Variants in ATP8A2 observed in about 807,000 individuals in gnomAD.
ATP8A2 encodes phospholipid-transporting ATPase IB.
A neutral mutation model predicts 165.6 loss-of-function variants in ATP8A2; 100 were observed. The ratio of observed to expected loss-of-function variants is 0.60; its 90% CI spans 0.51 to 0.71. The LOEUF (loss-of-function observed/expected upper bound fraction) is 0.71. ATP8A2 is among the 30% of genes least tolerant of loss of function. The pLI is 0.00. For synonymous variants in ATP8A2, 543 were observed against 548.8 expected (o/e 0.99, Z 0.15); for missense variants, 1,227 against 1,479.5 (o/e 0.83, Z 2.80).
chr13:25,676,168 T>A (rs2042368192), intron 24 of ATP8A2, among the ~76,000 whole-genome samples: 2 of 152,194 alleles, frequency 1.3e-5, no homozygotes, highest in Admixed American at 1.3e-4. Flanking sequence ...TGATTGGTGG[T>A]CTGGATCAGA....
At position 26,019,704 on chromosome 13, in the gene ATP8A2, C is replaced by T. The variant is rs542020199; in HGVS notation, c.3470-184C>T. On this transcript the variant is annotated intron_variant, in intron 36 of 36. Coordinates refer to ENST00000381655, the MANE Select transcript of ATP8A2 (RefSeq NM_016529.6). ...ACCATGGGACCCCAGTTAGCCTGCA[C>T]ACGGCCGCCACGGCCCCTCTATGGC... Among the ~76,000 whole-genome samples the T allele has an allele frequency of 4.5e-4, 68 of 152,290 alleles. 1 individual carries two copies. In the Middle Eastern group the frequency reaches 0.01, roughly 23 times the overall value.
chr13:25,474,309 C>A (rs189887101), intron 2 of ATP8A2, among the ~76,000 whole-genome samples: 1 of 152,134 alleles, frequency 6.6e-6, no homozygotes, highest in African/African-American at 2.4e-5. Context: ...CGCCTATAAT[C>A]CCAGCACTTT....
chr13:25,394,588 A>C (rs1373468216), intron 1 of ATP8A2, among the ~76,000 whole-genome samples: 1 of 152,174 alleles, frequency 6.6e-6, no homozygotes, highest in African/African-American at 2.4e-5. Flanking sequence ...TTGATGACAT[A>C]GGTCAGATCT....
intron 2 of ATP8A2, among the ~76,000 whole-genome samples, chr13:25,475,729 T>A (rs1257088321): frequency 6.6e-6 from 1 of 152,254 alleles, no homozygotes. Context: ...GAGATGGTAC[T>A]CATTGTGGTT....
At chr13:25,955,868 A>T (rs1566302122) in intron 33 of ATP8A2, among the ~76,000 whole-genome samples, 1 of 152,196 alleles carries the variant, frequency 6.6e-6, no homozygotes, top group African/African-American at 2.4e-5. Context: ...TCAGTGTGAA[A>T]ATCCTCAGTA....
chr13:25,957,862 A>T lies in ATP8A2; in HGVS notation c.3184-3713A>T, dbSNP rs12870677. Among the ~76,000 whole-genome samples, 1,419 of 152,282 alleles carry T rather than the reference A, an allele frequency of 9.3e-3. 9 individuals are homozygous for T. The highest frequency in any genetic ancestry group is 0.027 in the Middle Eastern group (8 of 294). ...TCACAATAGCAAAGACTTGGAACCAACCCAAATGCCCATCAATGATAGACT... is the reference window on the plus strand; with the variant it reads ...TCACAATAGCAAAGACTTGGAACCATCCCAAATGCCCATCAATGATAGACT... On this transcript the variant is annotated intron_variant, in intron 33 of 36. Coordinates refer to ENST00000381655, the MANE Select transcript of ATP8A2 (RefSeq NM_016529.6).
At chr13:25,763,684 A>G (rs914950618) in intron 25 of ATP8A2, among the ~76,000 whole-genome samples, 7 of 152,178 alleles carry the variant, frequency 4.6e-5, no homozygotes, top group Admixed American at 6.5e-5. Flanking sequence ...TAGGGCTACA[A>G]TGAAATATAC....
At chr13:25,725,152 T>C (rs1484416483) in intron 25 of ATP8A2, among the ~76,000 whole-genome samples, 3 of 152,240 alleles carry the variant, frequency 2.0e-5, no homozygotes, top group Non-Finnish European at 4.4e-5. Context: ...TGGAGGAATA[T>C]TCTCCCACTA....
intron 24 of ATP8A2, among the ~76,000 whole-genome samples, chr13:25,649,743 G>A (rs1470758844): frequency 2.0e-5 from 3 of 152,090 alleles, no homozygotes; most frequent in Non-Finnish European, 4.4e-5. Flanking sequence ...CCATGGGCAG[G>A]GCCCTCAGGT....
chr13:25,849,936 A>G (rs1041571278), intron 30 of ATP8A2, among the ~76,000 whole-genome samples: 8 of 152,248 alleles, frequency 5.3e-5, no homozygotes, highest in Admixed American at 3.9e-4. Flanking sequence ...ACATGCAATC[A>G]CAGATCATTC....
Position 25,849,021 on chromosome 13 carries a change from G to A in ATP8A2, c.2956+9397G>A, listed in dbSNP as rs574838593. On this transcript the variant is annotated intron_variant, in intron 30 of 36. Coordinates refer to ENST00000381655, the MANE Select transcript of ATP8A2 (RefSeq NM_016529.6). ...GGCCCAGAGAGTAAGGTGGGGGCGG[G>A]GGCTGGCTCAGTTAATGTTCTGGAA... Among the ~76,000 whole-genome samples, 19 of 152,142 alleles carry A rather than the reference G, an allele frequency of 1.2e-4. 1 individual carries two copies. The highest frequency in any genetic ancestry group is 6.8e-3 in the Middle Eastern group (2 of 294).
intron 33 of ATP8A2, among the ~76,000 whole-genome samples, chr13:25,869,616 G>T (rs755851385): frequency 3.2e-4 from 49 of 152,272 alleles, no homozygotes; most frequent in Non-Finnish European, 7.1e-4. Context: ...GATTTAATAG[G>T]GAAATTAAGG....
intron 25 of ATP8A2, among the ~76,000 whole-genome samples, chr13:25,717,432 A>AC (rs1253101754): frequency 2.0e-5 from 3 of 151,524 alleles, no homozygotes; most frequent in Non-Finnish European, 4.4e-5. Context: ...AAAAAAAAAA[A>AC]AAAACACCAA....
At chr13:25,969,601 T>C (rs1593645791) in intron 35 of ATP8A2, among the ~76,000 whole-genome samples, 1 of 152,248 alleles carries the variant, frequency 6.6e-6, no homozygotes, top group South Asian at 2.1e-4. Flanking sequence ...CAAAATAATT[T>C]TTTTGTTAAA....
At chr13:25,921,480 A>T (rs1954453694) in intron 33 of ATP8A2, among the ~76,000 whole-genome samples, 1 of 151,406 alleles carries the variant, frequency 6.6e-6, no homozygotes, top group Non-Finnish European at 1.5e-5. Context: ...AAAAATAGCC[A>T]GGTGTGGTGG....
intron 25 of ATP8A2, among the ~76,000 whole-genome samples, chr13:25,758,175 C>A (rs2044304159): frequency 6.6e-6 from 1 of 152,142 alleles, no homozygotes; most frequent in South Asian, 2.1e-4. Context: ...AATCTTTCAC[C>A]CCTTTTGATC....
intron 2 of ATP8A2, among the ~76,000 whole-genome samples, chr13:25,499,103 C>T (rs1269928512): frequency 6.6e-6 from 1 of 152,206 alleles, no homozygotes; most frequent in South Asian, 2.1e-4. Flanking sequence ...CATTCTCTAT[C>T]CTGCGCCAAT....
chr13:25,553,927 A>G lies in ATP8A2; in HGVS notation c.1185+7A>G, dbSNP rs1180176799. 5.0e-6 allele frequency: 8 copies of G among 1,609,466 alleles called. No homozygotes were observed. The highest frequency in any genetic ancestry group is 5.9e-6 in the Non-Finnish European group (7 of 1,178,496). ...AGCCCTTTTCATAAACTGGGTGAGT[A>G]TTAAAGCAGAGTTGAATCACTATTT... On this transcript the variant is annotated splice_region_variant and intron_variant, in intron 12 of 36. Coordinates refer to ENST00000381655, the MANE Select transcript of ATP8A2 (RefSeq NM_016529.6).
chr13:25,758,647 C>T (rs1268998384), intron 25 of ATP8A2, among the ~76,000 whole-genome samples: 2 of 152,168 alleles, frequency 1.3e-5, no homozygotes, highest in South Asian at 2.1e-4. Flanking sequence ...TATATTCATC[C>T]ACCTGCCACC....
Sources: allele counts gnomAD v4.1 joint callset (sites outside exome capture counted in the v4.1 genomes callset), GRCh38; gene constraint gnomAD v4.1.1; transcripts MANE v1.5; gene names NCBI Gene and HGNC (gene_info 2026-07-23, HGNC 2026-07-21).